Variants in CEP128 observed in about 807,000 individuals in gnomAD.
The protein encoded by CEP128 is centrosomal protein 128kDa.
Under a neutral mutation model 156.7 loss-of-function variants are expected in CEP128, and 132 were observed. The ratio of observed to expected loss-of-function variants is 0.84; its 90% CI spans 0.73 to 0.97. The LOEUF is 0.97. Ranked by LOEUF, CEP128 falls within the 50% of genes least tolerant of loss-of-function variation. The probability of loss-of-function intolerance (pLI) is 0.00; values close to 1 mark genes in which losing one functional copy is unlikely to be tolerated. For synonymous variants in CEP128, 469 were observed against 448.9 expected, an observed-to-expected ratio of 1.04 and a Z score of -0.57; for missense variants, 1,252 against 1,281.9, an observed-to-expected ratio of 0.98 and a Z score of 0.36.
intron 11 of CEP128, among the ~76,000 whole-genome samples, chr14:80,837,047 G>C (rs763482123): frequency 1.2e-4 from 19 of 152,198 alleles, no homozygotes; most frequent in Non-Finnish European, 2.4e-4. Context: ...AGGAAAGTTT[G>C]AACTCTGCCA....
At chr14:80,763,317 G>T (rs1900062121) in intron 16 of CEP128, among the ~76,000 whole-genome samples, 1 of 152,092 alleles carries the variant, frequency 6.6e-6, no homozygotes, top group Non-Finnish European at 1.5e-5. Flanking sequence ...TTGAGTTTCT[G>T]TCCAAACTCT....
intron 16 of CEP128, among the ~76,000 whole-genome samples, chr14:80,772,250 G>A (rs749303483): frequency 6.6e-6 from 1 of 151,970 alleles, no homozygotes; most frequent in Non-Finnish European, 1.5e-5. Flanking sequence ...CAAACCCCTG[G>A]CTCCATGAGC....
chr14:80,888,704 C>T (rs1888930449), intron 8 of CEP128, among the ~76,000 whole-genome samples: 1 of 152,176 alleles, frequency 6.6e-6, no homozygotes, highest in Non-Finnish European at 1.5e-5. Flanking sequence ...GTAGCATTCC[C>T]TTTGAAAACC....
At chr14:80,767,319 A>G (rs1900288680) in intron 16 of CEP128, among the ~76,000 whole-genome samples, 1 of 152,166 alleles carries the variant, frequency 6.6e-6, no homozygotes, top group African/African-American at 2.4e-5. Flanking sequence ...ATAACACATC[A>G]AGTGCTGGTC....
At chr14:80,846,401 A>G (rs570744851) in intron 9 of CEP128, among the ~76,000 whole-genome samples, 1 of 152,136 alleles carries the variant, frequency 6.6e-6, no homozygotes, top group East Asian at 1.9e-4. Context: ...TCAAGAACCT[A>G]GAAAGTGAAT....
At position 80,931,823 on chromosome 14, in the gene CEP128, T is replaced by C. The variant is rs181594995; in HGVS notation, c.-16+7562A>G. Among the ~76,000 whole-genome samples the C allele has an allele frequency of 3.9e-3, 587 of 152,350 alleles. 5 individuals carry two copies. Among genetic ancestry groups the C allele is most frequent in the Middle Eastern group, 0.01 (3 of 294 alleles). Reference sequence around the variant, plus strand: ...CATGTTTCAAATATTAGCAGAGATTTTGAAAGAGACTGAGCCAGGGCCTTC... The same window carrying C: ...CATGTTTCAAATATTAGCAGAGATTCTGAAAGAGACTGAGCCAGGGCCTTC... On this transcript the variant is annotated intron_variant, in intron 2 of 24. Transcript: ENST00000555265.
chr14:80,940,358 T>G (rs1055729478), intron 1 of CEP128, among the ~76,000 whole-genome samples: 1 of 152,212 alleles, frequency 6.6e-6, no homozygotes, highest in Admixed American at 6.5e-5. Flanking sequence ...AATTTATGTG[T>G]GCCAATGTGA....
chr14:80,690,752 T>G (rs1405779330), intron 19 of CEP128, among the ~76,000 whole-genome samples: 1 of 152,192 alleles, frequency 6.6e-6, no homozygotes, highest in East Asian at 1.9e-4. Context: ...CTCCCCTTAC[T>G]GAATGACATC....
intron 18 of CEP128, among the ~76,000 whole-genome samples, chr14:80,750,114 A>C (rs1438529845): frequency 6.6e-6 from 1 of 152,248 alleles, no homozygotes; most frequent in Non-Finnish European, 1.5e-5. Flanking sequence ...GTTGGTATGC[A>C]TCACTGATGG....
At chr14:80,844,109 T>C (rs1036744378) in intron 9 of CEP128, among the ~76,000 whole-genome samples, 4 of 151,844 alleles carry the variant, frequency 2.6e-5, no homozygotes, top group Non-Finnish European at 5.9e-5. Flanking sequence ...TAATGGAAAA[T>C]TTTAGCCTTT....
intron 19 of CEP128, among the ~76,000 whole-genome samples, chr14:80,718,494 T>A (rs1469223703): frequency 6.6e-6 from 1 of 152,204 alleles, no homozygotes; most frequent in Non-Finnish European, 1.5e-5. Flanking sequence ...TATACACATA[T>A]CACATATAGA....
chr14:80,715,723 C>T (rs1955317639), intron 19 of CEP128, among the ~76,000 whole-genome samples: 1 of 152,112 alleles, frequency 6.6e-6, no homozygotes, highest in Non-Finnish European at 1.5e-5. Flanking sequence ...AAAAGTGTGC[C>T]TTGATCTGCT....
chr14:80,722,015 G>A (rs1897836664), intron 19 of CEP128, among the ~76,000 whole-genome samples: 1 of 152,158 alleles, frequency 6.6e-6, no homozygotes, highest in Non-Finnish European at 1.5e-5. Flanking sequence ...TAGTTTTACG[G>A]AAGGATATAA....
At chr14:80,909,597 T>A (rs1566709552) in intron 4 of CEP128, among the ~76,000 whole-genome samples, 1 of 152,260 alleles carries the variant, frequency 6.6e-6, no homozygotes, top group East Asian at 1.9e-4. Flanking sequence ...AATTACGTTA[T>A]GTAAAGGGAG....
At chr14:80,600,998 TGAA>T (rs1474636746) in intron 19 of CEP128, among the ~76,000 whole-genome samples, 2 of 151,898 alleles carry the variant, frequency 1.3e-5, no homozygotes, top group African/African-American at 2.4e-5. Flanking sequence ...AGATGATATA[TGAA>T]GAAGATTATA....
intron 19 of CEP128, among the ~76,000 whole-genome samples, chr14:80,667,857 C>CAAA (rs3070047): frequency 0.32 from 28,735 of 89,354 alleles, 4,062 homozygotes; most frequent in East Asian, 0.44. Flanking sequence ...GACTCCATCT[C>CAAA]AAAAAAAAAA....
At chr14:80,714,336 T>C (rs1464106183) in intron 19 of CEP128, among the ~76,000 whole-genome samples, 1 of 151,652 alleles carries the variant, frequency 6.6e-6, no homozygotes, top group Admixed American at 6.6e-5. Flanking sequence ...ACACACACAC[T>C]TAAGGCTACT....
At chr14:80,654,747 C>T (rs1895056883) in intron 19 of CEP128, among the ~76,000 whole-genome samples, 1 of 152,024 alleles carries the variant, frequency 6.6e-6, no homozygotes, top group Admixed American at 6.6e-5. Flanking sequence ...TCTTTCTACT[C>T]CCCTCCTCCA....
At chr14:80,492,390 T>G (rs1173624564), downstream of CEP128, among the ~76,000 whole-genome samples, 2 of 152,154 alleles carry the variant, frequency 1.3e-5, no homozygotes, top group African/African-American at 4.8e-5. Flanking sequence ...TTAATCTCAC[T>G]AACTCCGCTT....
Sources: allele counts gnomAD v4.1 joint callset (sites outside exome capture counted in the v4.1 genomes callset), GRCh38; gene constraint gnomAD v4.1.1; transcripts MANE v1.5; gene names NCBI Gene and HGNC (gene_info 2026-07-23, HGNC 2026-07-21).